Variants in LURAP1L observed in about 807,000 individuals in gnomAD.
LURAP1L encodes leucine rich adaptor protein 1-like.
In LURAP1L, 12 loss-of-function variants were observed where a neutral mutation model predicts 13.8. The observed-to-expected ratio is 0.87, with a 90% CI of 0.56 to 1.41. The LOEUF is 1.41. Among genes scored for constraint, LURAP1L ranks in the 40% most tolerant of loss-of-function variants. The pLI is 0.00. For synonymous variants in LURAP1L, 139 were observed against 119.2 expected, an observed-to-expected ratio of 1.17 and a Z score of -1.08; for missense variants, 375 against 292.9, an observed-to-expected ratio of 1.28 and a Z score of -2.04.
intron 1 of LURAP1L, among the ~76,000 whole-genome samples, chr9:12,819,602 T>C (rs1819846377): frequency 6.6e-6 from 1 of 152,116 alleles, no homozygotes; most frequent in Admixed American, 6.6e-5. Context: ...AAGAAAGAAT[T>C]AGCATGACCC....
At chr9:12,797,785 G>T (rs1306272514) in intron 1 of LURAP1L, among the ~76,000 whole-genome samples, 1 of 152,020 alleles carries the variant, frequency 6.6e-6, no homozygotes, top group Non-Finnish European at 1.5e-5. Flanking sequence ...ATATCCAAGG[G>T]AAAACATATA....
rs145633776 is a variant in LURAP1L, at chr9:12,815,645, G to A, written c.313-5741G>A. ...CAAATGTATAACTAGGAGGTGGCCT[G>A]CTTTTATCTGACTAGTTGACATTCA... On this transcript the variant is annotated intron_variant, in intron 1 of 1. Transcript: ENST00000319264. Among the ~76,000 whole-genome samples, 592 of 152,226 alleles carry A rather than the reference G, an allele frequency of 3.9e-3. 7 individuals carry two copies. The highest frequency in any genetic ancestry group is 0.039 in the South Asian group (187 of 4,826).
chr9:12,781,671 A>G (rs1052491302), intron 1 of LURAP1L, among the ~76,000 whole-genome samples: 1 of 152,204 alleles, frequency 6.6e-6, no homozygotes, highest in Non-Finnish European at 1.5e-5. Flanking sequence ...TGATGGACAC[A>G]GGTTGCTTGT....
chr9:12,810,017 T>A (rs1819715047), intron 1 of LURAP1L, among the ~76,000 whole-genome samples: 1 of 152,182 alleles, frequency 6.6e-6, no homozygotes, highest in Non-Finnish European at 1.5e-5. Flanking sequence ...TTAGCGAGCC[T>A]GAGTTGGATA....
At chr9:12,780,359 G>A (rs950811476) in intron 1 of LURAP1L, among the ~76,000 whole-genome samples, 1 of 119,660 alleles carries the variant, frequency 8.4e-6, no homozygotes, top group African/African-American at 3.1e-5. Flanking sequence ...TGCACTCATA[G>A]AATTCACAAG....
chr9:12,794,597 C>T (rs1055265329), intron 1 of LURAP1L, among the ~76,000 whole-genome samples: 10 of 152,026 alleles, frequency 6.6e-5, no homozygotes, highest in African/African-American at 2.4e-4. Context: ...TGACCATACA[C>T]ATGAAATTAA....
At chr9:12,793,301 A>G (rs534210593) in intron 1 of LURAP1L, among the ~76,000 whole-genome samples, 49 of 152,154 alleles carry the variant, frequency 3.2e-4, no homozygotes, top group Non-Finnish European at 6.5e-4. Context: ...CTATACCAAT[A>G]TGTTTAATAT....
chr9:12,818,346 AACGTGT>A (rs1344121523), intron 1 of LURAP1L, among the ~76,000 whole-genome samples: 1 of 152,176 alleles, frequency 6.6e-6, no homozygotes, highest in Non-Finnish European at 1.5e-5. Context: ...AGTTGTTAGG[AACGTGT>A]ATTACTACTG....
chr9:12,802,822 G>A lies in LURAP1L; in HGVS notation c.313-18564G>A, dbSNP rs771453478. Among the ~76,000 whole-genome samples, 5 of 152,018 alleles carry A rather than the reference G, an allele frequency of 3.3e-5. No homozygotes were observed. The East Asian group carries it at 5.8e-4, about 18-fold the overall frequency. On this transcript the variant is annotated intron_variant, in intron 1 of 1. Coordinates refer to ENST00000319264, the MANE Select transcript of LURAP1L (RefSeq NM_203403.2). The stretch of plus-strand genomic sequence containing the variant: ...ATGAATGCCTCCAAATTACCTTTCC[G>A]CTTTTCCTCTACCAACACCTGCTCC...
intron 1 of LURAP1L, among the ~76,000 whole-genome samples, chr9:12,786,457 T>C (rs1218683417): frequency 2.0e-5 from 3 of 149,170 alleles, no homozygotes; most frequent in Non-Finnish European, 4.4e-5. Context: ...TTACACATCA[T>C]TTTTAATGTA....
intron 1 of LURAP1L, among the ~76,000 whole-genome samples, chr9:12,801,234 C>T (rs1030510988): frequency 2.6e-5 from 4 of 151,878 alleles, no homozygotes; most frequent in African/African-American, 9.7e-5. Context: ...CCAACCTCTC[C>T]ACAAGCTATA....
chr9:12,780,332 A>G (rs1033027837), intron 1 of LURAP1L, among the ~76,000 whole-genome samples: 2 of 152,186 alleles, frequency 1.3e-5, no homozygotes, highest in Admixed American at 1.3e-4. Context: ...ATCCATCTGA[A>G]TTGTGCTCAT....
intron 1 of LURAP1L, among the ~76,000 whole-genome samples, chr9:12,804,722 G>A (rs111386674): frequency 6.0e-4 from 91 of 152,130 alleles, no homozygotes; most frequent in Non-Finnish European, 1.1e-3. Context: ...TATGCTTAAC[G>A]TTTATTTGGC....
At chr9:12,785,230 T>C (rs1009190283) in intron 1 of LURAP1L, among the ~76,000 whole-genome samples, 1 of 152,102 alleles carries the variant, frequency 6.6e-6, no homozygotes, top group Non-Finnish European at 1.5e-5. Context: ...GCTGAGGTAG[T>C]ATTTAAGTTA....
At chr9:12,786,812 G>A (rs981179611) in intron 1 of LURAP1L, among the ~76,000 whole-genome samples, 2 of 151,474 alleles carry the variant, frequency 1.3e-5, no homozygotes, top group African/African-American at 4.8e-5. Context: ...TATAACTAAT[G>A]TGACCTCTCT....
At position 12,794,130 on chromosome 9, in the gene LURAP1L, A is replaced by G. The variant is rs188308625; in HGVS notation, c.312+18103A>G. On this transcript the variant is annotated intron_variant, in intron 1 of 1. Transcript: ENST00000319264. ...ACAGAGACTGAGTGATTCGCAGTGG[A>G]CAAAAACAAAGCCAGCTTTCCCCCT... Among the ~76,000 whole-genome samples, 610 of 152,212 alleles carry G rather than the reference A, an allele frequency of 4.0e-3. 9 individuals carry two copies. Among genetic ancestry groups the G allele is most frequent in the African/African-American group, 0.014 (578 of 41,550 alleles).
intron 1 of LURAP1L, among the ~76,000 whole-genome samples, 191 bp downstream of exon 1, chr9:12,776,218 G>C (rs1819180556): frequency 6.6e-6 from 1 of 152,124 alleles, no homozygotes; most frequent in East Asian, 1.9e-4. Context: ...CTTGTTTACC[G>C]CGGACTTTGC....
intron 1 of LURAP1L, among the ~76,000 whole-genome samples, chr9:12,797,345 G>A (rs1019273002): frequency 1.3e-5 from 2 of 152,040 alleles, no homozygotes; most frequent in Middle Eastern, 3.2e-3. Flanking sequence ...GTGACAATAG[G>A]AATCACACTG....
rs1401947677 is a variant in LURAP1L, at chr9:12,786,564, AT to A, written c.312+10538del. Among the ~76,000 whole-genome samples, 18 of 121,600 alleles carry A rather than the reference AT, an allele frequency of 1.5e-4. 1 individual carries two copies. Among genetic ancestry groups the A allele is most frequent in the South Asian group, 1.2e-3 (4 of 3,230 alleles). 79.8% of individuals were successfully genotyped at this position (121,600 alleles called of 152,430 possible). Reference sequence around the variant, plus strand: ...ATATATGACATATATATATATATATATATATATATATATATATAAACCCTTG... The same window carrying A: ...ATATATGACATATATATATATATATAATATATATATATATATAAACCCTTG... On this transcript the variant is annotated intron_variant, in intron 1 of 1. Transcript: ENST00000319264.
Sources: gnomAD v4.1 joint callset for allele counts (sites outside exome capture counted in the v4.1 genomes callset) on GRCh38, gnomAD v4.1.1 for gene constraint, MANE v1.5 for transcripts, NCBI Gene and HGNC (gene_info 2026-07-23, HGNC 2026-07-21) for gene names.